Variants in CST7 observed in about 807,000 individuals in gnomAD.
The protein encoded by CST7 is cystatin-F.
Under a neutral mutation model 13.1 loss-of-function variants are expected in CST7, and 15 were observed. That is an observed-to-expected ratio of 1.14 (90% confidence interval 0.77 to 1.76). CST7 has a LOEUF of 1.76. CST7 is among the 40% of genes most tolerant of loss of function. The probability of loss-of-function intolerance (pLI) is 0.00; values close to 1 mark genes in which losing one functional copy is unlikely to be tolerated. For missense variants in CST7, 193 were observed against 178.8 expected, an observed-to-expected ratio of 1.08 and a Z score of -0.45; for synonymous variants, 75 against 66.9, an observed-to-expected ratio of 1.12 and a Z score of -0.59.
At chr20:24,956,074 G>A (rs2087852050) in intron 1 of CST7, among the ~76,000 whole-genome samples, 1 of 152,142 alleles carries the variant, frequency 6.6e-6, no homozygotes, top group African/African-American at 2.4e-5. Flanking sequence ...ACCGGGATGG[G>A]GCGACAATCC....
At chr20:24,957,506 C>T (rs2087866681) in intron 2 of CST7, 47 bp downstream of exon 2, 2 of 1,580,048 alleles carry the variant, frequency 1.3e-6, no homozygotes, top group South Asian at 2.3e-5. Flanking sequence ...CCCTAGGAAG[C>T]CGAGCTGCTA....
rs755221453 is a variant in CST7, at chr20:24,949,430, C to A, written c.-76C>A. Reference sequence around the variant, plus strand: ...CGGCACGGGCACCAACCACTGCCTCCAACTGCCCCATGCTGCCTGAGAAGG... The same window carrying A: ...CGGCACGGGCACCAACCACTGCCTCAAACTGCCCCATGCTGCCTGAGAAGG... On this transcript the variant is annotated 5_prime_UTR_variant, in exon 1 of 4. Transcript: ENST00000480798. 2 of 1,611,656 alleles carry A rather than the reference C, an allele frequency of 1.2e-6. No individual in the cohort carries two copies. The highest frequency in any genetic ancestry group is 2.7e-5 in the African/African-American group (2 of 74,838).
intron 2 of CST7, 121 bp downstream of exon 2, chr20:24,957,580 G>A (rs2087867427): frequency 3.0e-6 from 3 of 1,000,712 alleles, no homozygotes; most frequent in Admixed American, 2.4e-5. Context: ...GCAGAGCTCT[G>A]AGCAGAAAGC....
intron 1 of CST7, among the ~76,000 whole-genome samples, chr20:24,951,267 T>C (rs2087816869): frequency 6.6e-6 from 1 of 152,092 alleles, no homozygotes; most frequent in Non-Finnish European, 1.5e-5. Flanking sequence ...CTGCACCCCG[T>C]CTCCGGCCCT....
intron 1 of CST7, among the ~76,000 whole-genome samples, chr20:24,951,118 C>T (rs2087816207): frequency 6.6e-6 from 1 of 152,158 alleles, no homozygotes; most frequent in South Asian, 2.1e-4. Flanking sequence ...GTATGTAATG[C>T]TGCACCAAGC....
chr20:24,956,662 G>A lies in CST7; in HGVS notation c.71-625G>A, dbSNP rs11905832. 6.1e-3 allele frequency among the ~76,000 whole-genome samples: 926 copies of A among 152,158 alleles called. 15 individuals carry two copies. The highest frequency in any genetic ancestry group is 0.022 in the African/African-American group (902 of 41,546). On this transcript the variant is annotated intron_variant, in intron 1 of 3. Transcript: ENST00000480798. ...GCAGGGGTACCAAGTGCTGCAGGCT[G>A]CCAGGAGGGGTGCCCTCCTGGGGGC... is the stretch of plus-strand genomic sequence containing the variant.
Position 24,959,921 on chromosome 20 carries a change from A to C in CST7, c.*209A>C. On this transcript the variant is annotated 3_prime_UTR_variant, in exon 4 of 4. Transcript: ENST00000480798. ...GATTAAATAGATCACATTTGCTTCTAAAATTAACTCCTGTTTCTGAGGCTT... is the reference window on the plus strand; with the variant it reads ...GATTAAATAGATCACATTTGCTTCTCAAATTAACTCCTGTTTCTGAGGCTT... 1 of 571,534 alleles carries C rather than the reference A, an allele frequency of 1.7e-6. No individual in the cohort carries two copies. Among genetic ancestry groups the C allele is most frequent in the Non-Finnish European group, 3.2e-6 (1 of 315,962 alleles). 35.4% of individuals were successfully genotyped at this position (571,534 alleles called of 1,614,324 possible).
chr20:24,950,020 C>T (rs1445490102), intron 1 of CST7, among the ~76,000 whole-genome samples: 9 of 152,194 alleles, frequency 5.9e-5, no homozygotes, highest in African/African-American at 2.2e-4. Flanking sequence ...CAGACTCTTT[C>T]ACCCTTCCTG....
intron 1 of CST7, among the ~76,000 whole-genome samples, chr20:24,953,499 T>C (rs2087833422): frequency 6.6e-6 from 1 of 152,202 alleles, no homozygotes; most frequent in South Asian, 2.1e-4. Flanking sequence ...AGTATCTTTC[T>C]GTCCAGAACC....
At chr20:24,953,862 C>G (rs572904374) in intron 1 of CST7, among the ~76,000 whole-genome samples, 1 of 152,146 alleles carries the variant, frequency 6.6e-6, no homozygotes, top group Non-Finnish European at 1.5e-5. Context: ...CCTGACGGTC[C>G]GTGGGTTCTT....
chr20:24,957,965 C>G (rs1442097050), intron 2 of CST7, among the ~76,000 whole-genome samples: 1 of 152,204 alleles, frequency 6.6e-6, no homozygotes, highest in African/African-American at 2.4e-5. Context: ...TCCTACTGCG[C>G]CCGCTCAGCA....
intron 1 of CST7, among the ~76,000 whole-genome samples, chr20:24,952,554 G>C (rs1199880538): frequency 6.6e-6 from 1 of 152,218 alleles, no homozygotes; most frequent in African/African-American, 2.4e-5. Flanking sequence ...AGCGTCTCCA[G>C]GTGGGCAGAG....
At chr20:24,951,488 G>C (rs1301702517) in intron 1 of CST7, among the ~76,000 whole-genome samples, 3 of 152,180 alleles carry the variant, frequency 2.0e-5, no homozygotes, top group Non-Finnish European at 4.4e-5. Flanking sequence ...TATAGGGAGG[G>C]TGCTGGGAGG....
At position 24,954,295 on chromosome 20, in the gene CST7, C is replaced by G. The variant is rs113497346; in HGVS notation, c.71-2992C>G. Among the ~76,000 whole-genome samples, 3 of 152,166 alleles carry G rather than the reference C, an allele frequency of 2.0e-5. No homozygotes were observed. The East Asian group carries it at 5.8e-4, about 29-fold the overall frequency. On this transcript the variant is annotated intron_variant, in intron 1 of 3. Transcript: ENST00000480798. ...AGAAGAAACAGCATCGCAGGGCCCT[C>G]CAGACAGAGCAGGCAGAGGAGGAGA...
chr20:24,950,513 C>T (rs1284706407), intron 1 of CST7, among the ~76,000 whole-genome samples: 7 of 152,170 alleles, frequency 4.6e-5, no homozygotes, highest in Admixed American at 2.6e-4. Context: ...CCAGGCCTGG[C>T]CTAGGGCGGA....
At chr20:24,956,180 C>G (rs534154686) in intron 1 of CST7, among the ~76,000 whole-genome samples, 16 of 152,334 alleles carry the variant, frequency 1.1e-4, no homozygotes, top group African/African-American at 3.8e-4. Flanking sequence ...GAAACCTCGT[C>G]ATCCTGTCTA....
intron 1 of CST7, among the ~76,000 whole-genome samples, chr20:24,950,369 G>A (rs1423185397): frequency 6.6e-6 from 1 of 152,238 alleles, no homozygotes; most frequent in African/African-American, 2.4e-5. Context: ...GGCCCAGGTG[G>A]GGGCTGTGCA....
chr20:24,955,499 G>C, intron 1 of CST7, among the ~76,000 whole-genome samples: 1 of 151,074 alleles, frequency 6.6e-6, no homozygotes, highest in Non-Finnish European at 1.5e-5. Context: ...GCCCAGGCTG[G>C]AGTGCAGTGG....
chr20:24,957,010 T>TAACA (rs200580680), intron 1 of CST7, among the ~76,000 whole-genome samples: 1 of 7,332 alleles, frequency 1.4e-4, no homozygotes, highest in Admixed American at 1.4e-3. Context: ...AGGGGGCAGG[T>TAACA]GAGGGGGGCA....
Sources: allele counts gnomAD v4.1 joint callset (sites outside exome capture counted in the v4.1 genomes callset), GRCh38; gene constraint gnomAD v4.1.1; transcripts MANE v1.5; gene names NCBI Gene and HGNC (gene_info 2026-07-23, HGNC 2026-07-21).